CLIC5: variants seen among roughly 807,000 people sequenced by gnomAD.
CLIC5 encodes the protein chloride intracellular channel protein 5.
In CLIC5, 20 loss-of-function variants were observed where a neutral mutation model predicts 24.7. The ratio of observed to expected loss-of-function variants is 0.81; its 90% CI spans 0.57 to 1.18. CLIC5 has a LOEUF of 1.18. Among genes scored for constraint, CLIC5 ranks in the 50% most tolerant of loss-of-function variants. The pLI is 0.00. For synonymous variants in CLIC5, 159 were observed against 135.6 expected (o/e 1.17, Z -1.20); for missense variants, 341 against 326.1 (o/e 1.05, Z -0.35).
chr6:46,021,224 G>A (rs974630360), intron 1 of CLIC5, among the ~76,000 whole-genome samples: 2 of 151,788 alleles, frequency 1.3e-5, no homozygotes, highest in East Asian at 1.9e-4. Flanking sequence ...TGCAAATAAA[G>A]AGATACCACA....
intron 1 of CLIC5, among the ~76,000 whole-genome samples, chr6:45,963,729 G>A (rs1325268307): frequency 6.6e-6 from 1 of 152,038 alleles, no homozygotes; most frequent in Non-Finnish European, 1.5e-5. Flanking sequence ...CTTGGCTCAA[G>A]TCTCCCTTGT....
chr6:46,009,180 C>G lies in CLIC5; in HGVS notation c.63+6300G>C, dbSNP rs993096633. Among the ~76,000 whole-genome samples, 7 of 151,668 alleles carry G rather than the reference C, an allele frequency of 4.6e-5. No individual in the cohort carries two copies. The East Asian group carries it at 1.4e-3, about 30-fold the overall frequency. Reference sequence around the variant, plus strand: ...GGCATGGGAAGAGTCTTTGAATCCCCCTTAAAGACTCTTCCCATGCCAGCA... The same window carrying G: ...GGCATGGGAAGAGTCTTTGAATCCCGCTTAAAGACTCTTCCCATGCCAGCA... On this transcript the variant is annotated intron_variant, in intron 1 of 5. Coordinates refer to ENST00000339561, the MANE Select transcript of CLIC5 (RefSeq NM_016929.5).
chr6:45,971,457 G>C (rs1765198708), intron 1 of CLIC5, among the ~76,000 whole-genome samples: 1 of 152,164 alleles, frequency 6.6e-6, no homozygotes, highest in Admixed American at 6.5e-5. Flanking sequence ...GTGAGCCAAA[G>C]TCCCAACCTT....
In CLIC5 at chr6:45,978,018, T is replaced by C. The variant is rs904822543; in HGVS notation, c.64-22774A>G. Among the ~76,000 whole-genome samples the C allele has an allele frequency of 8.5e-5, 13 of 152,198 alleles. 1 individual carries two copies. The highest frequency in any genetic ancestry group is 2.4e-4 in the African/African-American group (10 of 41,444). ...CAAAAGACAATAGCAGGGAAGCTCCTGGGCTTTGGGTCTGACTAGGCTTTG... is the reference window on the plus strand; with the variant it reads ...CAAAAGACAATAGCAGGGAAGCTCCCGGGCTTTGGGTCTGACTAGGCTTTG... On this transcript the variant is annotated intron_variant, in intron 1 of 5. Transcript: ENST00000339561.
At chr6:46,012,667 G>A (rs769756799) in intron 1 of CLIC5, among the ~76,000 whole-genome samples, 14 of 152,308 alleles carry the variant, frequency 9.2e-5, no homozygotes, top group Non-Finnish European at 1.3e-4. Flanking sequence ...CTAGATTTGA[G>A]GACTGGATCT....
At chr6:45,891,222 A>G (rs778486970) in intron 6 of CLIC5, among the ~76,000 whole-genome samples, 6 of 152,234 alleles carry the variant, frequency 3.9e-5, no homozygotes, top group Non-Finnish European at 7.3e-5. Context: ...ATTAAAAATA[A>G]AATAAGACAA....
intron 4 of CLIC5, among the ~76,000 whole-genome samples, chr6:45,918,580 G>T (rs1019585166): frequency 1.3e-5 from 2 of 152,340 alleles, no homozygotes; most frequent in African/African-American, 4.8e-5. Flanking sequence ...GTGGCTGCAC[G>T]CTCAACTTCT....
intron 1 of CLIC5, among the ~76,000 whole-genome samples, chr6:45,969,708 T>C (rs1007906193): frequency 3.3e-5 from 5 of 152,162 alleles, no homozygotes; most frequent in East Asian, 1.9e-4. Context: ...TCTTTCATTT[T>C]ATTCCCTTAA....
intron 4 of CLIC5, among the ~76,000 whole-genome samples, chr6:45,935,950 A>G (rs1039783159): frequency 1.3e-5 from 2 of 152,072 alleles, no homozygotes; most frequent in African/African-American, 4.8e-5. Flanking sequence ...AACAACAACA[A>G]TAAAGCTTGC....
At chr6:46,069,233 G>A (rs1028452981) in intron 1 of CLIC5, among the ~76,000 whole-genome samples, 3 of 152,024 alleles carry the variant, frequency 2.0e-5, no homozygotes, top group East Asian at 1.9e-4. Context: ...TTATGCATTC[G>A]CTCCATCCTG....
chr6:45,912,745 G>A lies in CLIC5; in HGVS notation c.588+1483C>T, dbSNP rs961195212. On this transcript the variant is annotated intron_variant, in intron 5 of 5. Transcript: ENST00000339561. ...CCTTTCAGTGGTACTTGTTCCTAAG[G>A]AGAAGAAGAATAAAGGATGATGGGT... The A allele has an allele frequency of 3.3e-6, 5 of 1,528,798 alleles. No homozygotes were observed. The African/African-American group carries it at 5.5e-5, about 17-fold the overall frequency. The allele number at this position is 1,528,798 out of a possible 1,614,324, so 94.7% of individuals were successfully genotyped here.
In CLIC5 at chr6:45,903,224, A is replaced by T. The variant is rs1477325356; in HGVS notation, c.620T>A (p.Ile207Asn). 1.2e-6 allele frequency: 2 copies of T among 1,607,798 alleles called. No individual in the cohort carries two copies. Among genetic ancestry groups the T allele is most frequent in the African/African-American group, 1.3e-5 (1 of 74,630 alleles). ...IVAKKYRNYD[I>N]PAEMTGLWRY... ...CCACAGGCCTGTCATCTCAGCCGGG[A>T]TATCATAGTTGCGGTATTTCTTGGC... Residue 207 changes from isoleucine to asparagine, a missense_variant, in exon 6 of 6, where the codon ATC becomes AAC. Coordinates refer to ENST00000339561, the MANE Select transcript of CLIC5 (RefSeq NM_016929.5).
chr6:46,105,972 T>C, the CLIC5 span, among the ~76,000 whole-genome samples: 1 of 152,238 alleles, frequency 6.6e-6, no homozygotes, highest in Non-Finnish European at 1.5e-5. Flanking sequence ...GGGATGAGAC[T>C]CTCATGGGAG....
At chr6:45,897,312 C>A (rs1350453727), downstream of CLIC5, among the ~76,000 whole-genome samples, 1 of 152,154 alleles carries the variant, frequency 6.6e-6, no homozygotes, top group Non-Finnish European at 1.5e-5. Flanking sequence ...GGTCAGGAGC[C>A]CACTTTGAAA....
chr6:46,030,082 T>C (rs543873747), intron 1 of CLIC5, among the ~76,000 whole-genome samples: 12 of 152,276 alleles, frequency 7.9e-5, no homozygotes, highest in Non-Finnish European at 1.3e-4. Context: ...CTTTTAGCCT[T>C]TGTAACCTCC....
intron 1 of CLIC5, among the ~76,000 whole-genome samples, chr6:46,006,127 C>CATAT (rs58643121): frequency 0.012 from 421 of 35,090 alleles, 8 homozygotes; most frequent in Admixed American, 0.015. Flanking sequence ...TGTATAAATA[C>CATAT]ATATATATAT....
chr6:46,073,066 CTT>C (rs1762661333), intron 1 of CLIC5, among the ~76,000 whole-genome samples: 2 of 152,164 alleles, frequency 1.3e-5, no homozygotes, highest in Non-Finnish European at 2.9e-5. Flanking sequence ...ACTCCTCTGA[CTT>C]TCCACATTCT....
intron 1 of CLIC5, among the ~76,000 whole-genome samples, chr6:45,978,288 A>G (rs1248443001): frequency 2.0e-5 from 3 of 152,264 alleles, no homozygotes; most frequent in South Asian, 2.1e-4. Flanking sequence ...CCGAGAACTT[A>G]GTGTTGGGCT....
intron 5 of CLIC5, 50 bp downstream of exon 5, chr6:45,914,178 C>T (rs1762925160): frequency 1.4e-6 from 2 of 1,431,706 alleles, no homozygotes; most frequent in African/African-American, 1.4e-5. Flanking sequence ...GTGACCTGGG[C>T]CTAAGATGGA....
Sources: allele counts gnomAD v4.1 joint callset (sites outside exome capture counted in the v4.1 genomes callset), GRCh38; gene constraint gnomAD v4.1.1; transcripts MANE v1.5; gene names NCBI Gene and HGNC (gene_info 2026-07-23, HGNC 2026-07-21).